The following ASIC2 variants were observed in gnomAD, a reference collection of about 807,000 sequenced individuals.
ASIC2 encodes the protein acid-sensing ion channel 2.
A neutral mutation model predicts 57.3 loss-of-function variants in ASIC2; 25 were observed. That is an observed-to-expected ratio of 0.44 (90% CI 0.32 to 0.61). The LOEUF is 0.61. Ranked by LOEUF, ASIC2 falls within the 20% of genes least tolerant of loss-of-function variation. The pLI is 0.06. For synonymous variants in ASIC2, 319 were observed against 307.5 expected (o/e 1.04, Z -0.39); for missense variants, 641 against 738.1 (o/e 0.87, Z 1.52).
intron 1 of ASIC2, among the ~76,000 whole-genome samples, chr17:33,536,896 C>G (rs988828455): frequency 1.3e-5 from 2 of 151,910 alleles, no homozygotes; most frequent in Non-Finnish European, 2.9e-5. Flanking sequence ...CTACTTGGGG[C>G]AGGGGGAGGG....
intron 1 of ASIC2, among the ~76,000 whole-genome samples, chr17:33,205,388 G>C (rs1012281179): frequency 2.0e-5 from 3 of 152,158 alleles, no homozygotes; most frequent in Non-Finnish European, 4.4e-5. Context: ...TCTTTGGGAG[G>C]ACAAAAAGGT....
intron 1 of ASIC2, among the ~76,000 whole-genome samples, chr17:33,134,717 C>T (rs751942589): frequency 7.2e-5 from 11 of 152,320 alleles, no homozygotes; most frequent in East Asian, 5.8e-4. Flanking sequence ...GGGTTGTCCC[C>T]GGGCTGGCCT....
At chr17:33,922,213 G>A (rs538334486) in intron 1 of ASIC2, among the ~76,000 whole-genome samples, 2 of 152,188 alleles carry the variant, frequency 1.3e-5, no homozygotes, top group South Asian at 4.2e-4. Context: ...CTTGTTAGTG[G>A]TGGAGTCAGA....
At chr17:33,473,464 C>T (rs528202017) in intron 1 of ASIC2, among the ~76,000 whole-genome samples, 1 of 151,790 alleles carries the variant, frequency 6.6e-6, no homozygotes, top group South Asian at 2.1e-4. Context: ...CAAGAAATGC[C>T]AGCCTTTGGA....
chr17:33,969,134 C>T (rs573253220), intron 1 of ASIC2, among the ~76,000 whole-genome samples: 6 of 152,100 alleles, frequency 3.9e-5, no homozygotes, highest in East Asian at 1.9e-4. Flanking sequence ...AAGCATGGCC[C>T]GTTGAGAAAC....
At chr17:33,633,464 G>A (rs1199211224) in intron 1 of ASIC2, among the ~76,000 whole-genome samples, 1 of 152,148 alleles carries the variant, frequency 6.6e-6, no homozygotes, top group African/African-American at 2.4e-5. Flanking sequence ...CACAAGCTTG[G>A]GTGCCCCAAA....
At chr17:33,132,298 TC>T (rs2092349570) in intron 1 of ASIC2, among the ~76,000 whole-genome samples, 1 of 152,266 alleles carries the variant, frequency 6.6e-6, no homozygotes, top group Non-Finnish European at 1.5e-5. Flanking sequence ...TTAGTGAATT[TC>T]CCTTGCTTCA....
At chr17:33,579,516 C>T (rs12951802) in intron 1 of ASIC2, among the ~76,000 whole-genome samples, 79,940 of 151,874 alleles carry the variant, frequency 0.53, 22,095 homozygotes, top group African/African-American at 0.71. Context: ...ATTGTCTCCT[C>T]CTGGTGGGTT....
At chr17:33,057,096 AT>A (rs889469174) in intron 3 of ASIC2, among the ~76,000 whole-genome samples, 183 of 152,242 alleles carry the variant, frequency 1.2e-3, no homozygotes, top group African/African-American at 4.0e-3. Flanking sequence ...GTCTGCTGTA[AT>A]ATTAGGGCCC....
chr17:33,048,332 C>A (rs1361098023), intron 3 of ASIC2, among the ~76,000 whole-genome samples: 1 of 152,212 alleles, frequency 6.6e-6, no homozygotes, highest in East Asian at 1.9e-4. Context: ...CATGGACAGG[C>A]ACACTTCAGT....
intron 1 of ASIC2, among the ~76,000 whole-genome samples, chr17:33,134,014 T>C (rs781665760): frequency 4.6e-5 from 7 of 152,140 alleles, no homozygotes; most frequent in Admixed American, 1.3e-4. Context: ...CTGTGCTTGA[T>C]TGAGGGACTC....
intron 1 of ASIC2, among the ~76,000 whole-genome samples, chr17:33,836,385 T>A: frequency 6.6e-6 from 1 of 151,982 alleles, no homozygotes. Flanking sequence ...TTTCACCATG[T>A]TTCTCAGGCT....
At chr17:33,380,138 T>C (rs1490663293) in intron 1 of ASIC2, among the ~76,000 whole-genome samples, 3 of 148,340 alleles carry the variant, frequency 2.0e-5, no homozygotes, top group Admixed American at 6.8e-5. Flanking sequence ...CCCAGCTACT[T>C]GGGGGGCTGA....
rs140357300 is a variant in ASIC2, at chr17:34,089,130, G to T, written c.555+66848C>A. Among the ~76,000 whole-genome samples, 262 of 152,274 alleles carry T rather than the reference G, an allele frequency of 1.7e-3. 1 individual carries two copies. The highest frequency in any genetic ancestry group is 6.2e-3 in the African/African-American group (257 of 41,542). ...GCAGAAATCACCTGTCTTCTGCGTC[G>T]TTCATGCTGGGAGCTGTAGACTGGA... On this transcript the variant is annotated intron_variant, in intron 1 of 9. Coordinates refer to the ASIC2 transcript ENST00000359872.
chr17:33,898,426 C>T (rs565002079), intron 1 of ASIC2, among the ~76,000 whole-genome samples: 4 of 151,542 alleles, frequency 2.6e-5, no homozygotes, highest in East Asian at 2.0e-4. Context: ...TTAGTAGAGA[C>T]GGGGTTTCAC....
intron 1 of ASIC2, among the ~76,000 whole-genome samples, chr17:33,620,648 A>G (rs556197978): frequency 6.6e-6 from 1 of 152,320 alleles, no homozygotes; most frequent in South Asian, 2.1e-4. Context: ...CTCAAAAACA[A>G]TTTAGAAAAC....
chr17:33,537,576 C>T (rs17249642), intron 1 of ASIC2, among the ~76,000 whole-genome samples: 9,065 of 152,220 alleles, frequency 0.06, 528 homozygotes, highest in East Asian at 0.29. Flanking sequence ...ATGCCTACTG[C>T]TAAATGGACA....
intron 1 of ASIC2, among the ~76,000 whole-genome samples, chr17:33,169,748 C>G (rs976277336): frequency 3.3e-5 from 5 of 152,200 alleles, no homozygotes; most frequent in African/African-American, 1.2e-4. Flanking sequence ...ACATCCTTCT[C>G]TGCCATATAT....
chr17:33,182,579 G>A (rs533763358), intron 1 of ASIC2, among the ~76,000 whole-genome samples: 1 of 152,218 alleles, frequency 6.6e-6, no homozygotes, highest in South Asian at 2.1e-4. Context: ...TTCTTTTTTA[G>A]TACCTTGCTC....
Sources: gnomAD v4.1 joint callset for allele counts (sites outside exome capture counted in the v4.1 genomes callset) on GRCh38, gnomAD v4.1.1 for gene constraint, MANE v1.5 for transcripts, NCBI Gene and HGNC (gene_info 2026-07-23, HGNC 2026-07-21) for gene names.